DNAJC6: variants seen among roughly 807,000 people sequenced by gnomAD.
DNAJC6 encodes the protein DnaJ heat shock protein family (Hsp40) member C6, also known as auxilin.
A neutral mutation model predicts 110.0 loss-of-function variants in DNAJC6; 34 were observed. That is an observed-to-expected ratio of 0.31 (90% CI 0.24 to 0.41). DNAJC6 has a LOEUF of 0.41. Among genes scored for constraint, DNAJC6 ranks in the 10% least tolerant of loss-of-function variants. DNAJC6 has a pLI of 1.00. For missense variants in DNAJC6, 1,031 were observed against 1,207.8 expected (o/e 0.85, Z 2.17); for synonymous variants, 406 against 437.2 (o/e 0.93, Z 0.89).
chr1:65,343,513 T>G (rs1207691479), intron 1 of DNAJC6, among the ~76,000 whole-genome samples: 1 of 152,210 alleles, frequency 6.6e-6, no homozygotes, highest in Admixed American at 6.5e-5. Context: ...GCCTGGGATA[T>G]GCATCATCCC....
Position 65,394,955 on chromosome 1 carries a change from G to T in DNAJC6, c.1961G>T (p.Gly654Val), listed in dbSNP as rs552995938. 3 of 1,612,346 alleles carry T rather than the reference G, an allele frequency of 1.9e-6. No homozygotes were observed. In the Admixed American group the frequency reaches 5.0e-5, roughly 27 times the overall value. ...AAACCATCAGGTCAGGATTTGCTGG[G>T]TTCTTTTCTGAACACATCCAGTGCT... is the stretch of plus-strand genomic sequence containing the variant. ...PSKPSGQDLL[G>V]SFLNTSSASS... The change falls in exon 13 of 19, where the codon GGT becomes GTT. Residue 654 changes from glycine to valine, a missense_variant. Transcript: ENST00000371069.
intron 1 of DNAJC6, among the ~76,000 whole-genome samples, chr1:65,272,720 T>C (rs1653547709): frequency 6.6e-6 from 1 of 152,200 alleles, no homozygotes; most frequent in Non-Finnish European, 1.5e-5. Context: ...ATTTTACTTT[T>C]GTAAAGATGA....
At position 65,413,130 on chromosome 1, in the gene DNAJC6, C is replaced by T. The variant is rs1297304055; in HGVS notation, c.*105C>T. 6.9e-6 allele frequency: 6 copies of T among 868,472 alleles called. No individual in the cohort carries two copies. The highest frequency in any genetic ancestry group is 1.1e-5 in the Non-Finnish European group (6 of 548,024). 53.8% of individuals were successfully genotyped at this position (868,472 alleles called of 1,614,324 possible). Reference sequence around the variant, plus strand: ...ACCAAAAACTCCAGTAACATGTTTTCAGTACTAAACCGTTAAGTTACTCAT... The same window carrying T: ...ACCAAAAACTCCAGTAACATGTTTTTAGTACTAAACCGTTAAGTTACTCAT... On this transcript the variant is annotated 3_prime_UTR_variant, in exon 19 of 19. Coordinates refer to ENST00000371069, the MANE Select transcript of DNAJC6 (RefSeq NM_001256864.2).
At chr1:65,387,151 C>T (rs1645880775) in intron 8 of DNAJC6, among the ~76,000 whole-genome samples, 1 of 152,186 alleles carries the variant, frequency 6.6e-6, no homozygotes, top group South Asian at 2.1e-4. Flanking sequence ...ATGTCCGTGC[C>T]AGAGGATGAC....
chr1:65,306,528 G>C (rs777360796), upstream of DNAJC6: 1 of 152,200 alleles, frequency 6.6e-6, no homozygotes, highest in Non-Finnish European at 1.5e-5. Flanking sequence ...GGGTGGAATA[G>C]AGCCTGGTTC....
chr1:65,328,021 A>AT (rs1422879407), intron 1 of DNAJC6, among the ~76,000 whole-genome samples: 65 of 152,312 alleles, frequency 4.3e-4, no homozygotes, highest in African/African-American at 1.5e-3. Context: ...AGCTCAATAA[A>AT]TTTTTAATAT....
chr1:65,393,177 T>C (rs1024809363), intron 12 of DNAJC6, among the ~76,000 whole-genome samples: 1 of 152,190 alleles, frequency 6.6e-6, no homozygotes, highest in Non-Finnish European at 1.5e-5. Flanking sequence ...TGAATTATTA[T>C]TGATAAAAAT....
rs376119791 is a variant in DNAJC6 at position 65,336,386 on chromosome 1, A to G, written c.193+26448A>G. 3.0e-4 allele frequency among the ~76,000 whole-genome samples: 46 copies of G among 152,338 alleles called. No individual in the cohort carries two copies. The East Asian group carries it at 8.3e-3, about 27-fold the overall frequency. Reference sequence around the variant, plus strand: ...ATGGGGATTATCGGAACCACAGTTCAAGATGAGATTTGGGTGGGGACACAG... The same window carrying G: ...ATGGGGATTATCGGAACCACAGTTCGAGATGAGATTTGGGTGGGGACACAG... On this transcript the variant is annotated intron_variant, in intron 1 of 18. Transcript: ENST00000371069.
intron 1 of DNAJC6, among the ~76,000 whole-genome samples, chr1:65,277,102 C>A (rs575772151): frequency 6.3e-4 from 96 of 152,254 alleles, no homozygotes; most frequent in African/African-American, 2.3e-3. Flanking sequence ...TCTGCTACAA[C>A]CTACTCTATT....
At chr1:65,270,186 A>G (rs192840486) in intron 1 of DNAJC6, among the ~76,000 whole-genome samples, 8 of 152,280 alleles carry the variant, frequency 5.3e-5, no homozygotes, top group Non-Finnish European at 1.2e-4. Flanking sequence ...CTACTTAATT[A>G]TGTTTTCTAA....
upstream of DNAJC6, among the ~76,000 whole-genome samples, chr1:65,306,975 TCTC>T (rs1557511752): frequency 1.2e-4 from 4 of 32,168 alleles, no homozygotes; most frequent in East Asian, 4.5e-3. Flanking sequence ...AATCTGTTTC[TCTC>T]TCTCTCTCTC....
chr1:65,376,958 T>G (rs1003903171), intron 4 of DNAJC6, among the ~76,000 whole-genome samples: 1 of 151,970 alleles, frequency 6.6e-6, no homozygotes, highest in Non-Finnish European at 1.5e-5. Flanking sequence ...TTTAGTAGAG[T>G]TTCACTGTGT....
At position 65,362,890 on chromosome 1, in the gene DNAJC6, G is replaced by A. The variant is rs151039376; in HGVS notation, c.194-1745G>A. ...GATCAGCGGCTTCTATTAACAAACA[G>A]GTGTTTCTTACTGTATTAGTCTGTT... On this transcript the variant is annotated intron_variant, in intron 1 of 18. Coordinates refer to ENST00000371069, the MANE Select transcript of DNAJC6 (RefSeq NM_001256864.2). 2.8e-3 allele frequency among the ~76,000 whole-genome samples: 431 copies of A among 152,302 alleles called. 3 individuals are homozygous for A. The highest frequency in any genetic ancestry group is 9.9e-3 in the African/African-American group (412 of 41,560).
At chr1:65,346,603 C>G (rs1013249463) in intron 1 of DNAJC6, among the ~76,000 whole-genome samples, 3 of 152,018 alleles carry the variant, frequency 2.0e-5, no homozygotes, top group Admixed American at 2.0e-4. Flanking sequence ...AAATTACTTT[C>G]TTTTTCAGAG....
intron 13 of DNAJC6, among the ~76,000 whole-genome samples, chr1:65,398,262 C>T (rs374640574): frequency 6.6e-6 from 1 of 152,102 alleles, no homozygotes; most frequent in African/African-American, 2.4e-5. Context: ...TGATGTATAG[C>T]CAGTGCCCAG....
At chr1:65,338,332 G>C (rs1045349857) in intron 1 of DNAJC6, among the ~76,000 whole-genome samples, 1 of 152,094 alleles carries the variant, frequency 6.6e-6, no homozygotes, top group Non-Finnish European at 1.5e-5. Context: ...ACCAAAACAG[G>C]TTAAGGTAGT....
At chr1:65,380,897 TTTTTTTG>T (rs1645811163) in intron 5 of DNAJC6, among the ~76,000 whole-genome samples, 1 of 134,578 alleles carries the variant, frequency 7.4e-6, no homozygotes, top group Non-Finnish European at 1.5e-5. Flanking sequence ...GGAGTTTTTT[TTTTTTTG>T]TTTTTTGTTT....
At chr1:65,381,246 A>T (rs1335084522) in intron 5 of DNAJC6, among the ~76,000 whole-genome samples, 4 of 151,986 alleles carry the variant, frequency 2.6e-5, no homozygotes, top group Admixed American at 6.6e-5. Flanking sequence ...ACTGGTTATT[A>T]TATTAAAAAT....
At chr1:65,328,917 C>T (rs1159271320) in intron 1 of DNAJC6, among the ~76,000 whole-genome samples, 1 of 152,212 alleles carries the variant, frequency 6.6e-6, no homozygotes, top group Non-Finnish European at 1.5e-5. Flanking sequence ...AGTTAGATAT[C>T]ATGTCCACTG....
Sources: allele counts gnomAD v4.1 joint callset (sites outside exome capture counted in the v4.1 genomes callset), GRCh38; gene constraint gnomAD v4.1.1; transcripts MANE v1.5; gene names NCBI Gene and HGNC (gene_info 2026-07-23, HGNC 2026-07-21).